Variants in DNAH14 observed in about 807,000 individuals in gnomAD.
DNAH14 encodes the protein axonemal beta dynein heavy chain 14.
Under a neutral mutation model 520.9 loss-of-function variants are expected in DNAH14, and 478 were observed. That is an observed-to-expected ratio of 0.92 (90% CI 0.85 to 0.99). The LOEUF (loss-of-function observed/expected upper bound fraction) is 0.99, where lower values mean the gene tolerates loss of function less well. DNAH14 is among the 50% of genes least tolerant of loss of function. The pLI, the probability that DNAH14 is intolerant of heterozygous loss-of-function variation, is 0.00. For missense variants in DNAH14, 4,831 were observed against 5,234.5 expected (o/e 0.92, Z 2.38); for synonymous variants, 1,581 against 1,757.2 (o/e 0.90, Z 2.51).
rs755828876 is a variant in DNAH14, at chr1:225,301,048, G to A, written c.8631+18G>A. ...TTCAAAAGGTACTTTTTTGTGACTT[G>A]GCTTTATCAAATTGTCATGTTAAAA... is the stretch of plus-strand genomic sequence containing the variant. On this transcript the variant is annotated intron_variant, in intron 56 of 85. Coordinates refer to ENST00000682510, the MANE Select transcript of DNAH14 (RefSeq NM_001367479.1). 2.0e-4 allele frequency: 309 copies of A among 1,540,304 alleles called. No homozygotes were observed. The highest frequency in any genetic ancestry group is 1.3e-3 in the Admixed American group (62 of 49,494).
At chr1:225,306,745 G>A (rs555656425) in intron 58 of DNAH14, among the ~76,000 whole-genome samples, 4 of 151,820 alleles carry the variant, frequency 2.6e-5, no homozygotes, top group South Asian at 4.2e-4. Flanking sequence ...CCCCTAATGC[G>A]TGGGCCATGC....
chr1:225,089,010 T>G (rs2148642521), intron 21 of DNAH14, among the ~76,000 whole-genome samples: 1 of 152,318 alleles, frequency 6.6e-6, no homozygotes, highest in African/African-American at 2.4e-5. Flanking sequence ...CTATTTCTTT[T>G]TAAGGAATTT....
intron 43 of DNAH14, among the ~76,000 whole-genome samples, chr1:225,249,362 A>G (rs192856877): frequency 3.5e-4 from 54 of 152,308 alleles, no homozygotes; most frequent in African/African-American, 1.3e-3. Context: ...AGCATTTGGT[A>G]TGTGTTCTTG....
chr1:225,018,902 G>A (rs1412129300), intron 10 of DNAH14, among the ~76,000 whole-genome samples: 1 of 152,182 alleles, frequency 6.6e-6, no homozygotes, highest in Non-Finnish European at 1.5e-5. Context: ...CCTAAAGGGA[G>A]TGCTAAACAT....
chr1:225,377,484 G>A (rs1260472260), intron 79 of DNAH14, 48 bp downstream of exon 79: 2 of 1,505,696 alleles, frequency 1.3e-6, no homozygotes, highest in East Asian at 5.0e-5. Context: ...ATCAGGCTGG[G>A]TCTGGCAGCT....
chr1:225,380,284 C>G lies in DNAH14; in HGVS notation c.12842C>G (p.Ser4281Ter), dbSNP rs1344962947. 1 of 1,551,522 alleles carries G rather than the reference C, an allele frequency of 6.4e-7. No individual in the cohort carries two copies. Among genetic ancestry groups the G allele is most frequent in the Non-Finnish European group, 8.7e-7 (1 of 1,146,980 alleles). The change falls in exon 80 of 86, where the codon TCA (serine) becomes TGA (stop). Residue 4281 changes from serine (S) to a stop codon, truncating the protein, a stop_gained. Transcript: ENST00000682510. LOFTEE classifies it high-confidence loss of function. ...GTPSTLKSMM[S>*]SSIWESLSKN... ...CCAAGCACATTGAAGAGCATGATGT[C>G]AAGCTCCATTTGGGAGTCTCTTTCT...
intron 42 of DNAH14, 144 bp from the exon 43 acceptor site, chr1:225,240,449 T>C: frequency 1.9e-6 from 1 of 513,340 alleles, no homozygotes; most frequent in Non-Finnish European, 3.4e-6. Context: ...AAAATTTACA[T>C]AAACTCTGAA....
At chr1:225,155,700 T>TA (rs2080960990) in intron 34 of DNAH14, among the ~76,000 whole-genome samples, 1 of 152,134 alleles carries the variant, frequency 6.6e-6, no homozygotes, top group Admixed American at 6.6e-5. Flanking sequence ...ACCCTTCAAT[T>TA]AGAGTTTCCA....
chr1:225,305,763 C>T (rs1294239049), intron 58 of DNAH14, among the ~76,000 whole-genome samples: 1 of 152,184 alleles, frequency 6.6e-6, no homozygotes, highest in Non-Finnish European at 1.5e-5. Flanking sequence ...CATGGTGGAA[C>T]TATTCTTCTC....
Position 225,118,015 on chromosome 1 carries a change from C to G in DNAH14, c.4091+16C>G. 6.7e-7 allele frequency: 1 copy of G among 1,492,052 alleles called. No individual in the cohort carries two copies. Among genetic ancestry groups the G allele is most frequent in the Non-Finnish European group, 9.2e-7 (1 of 1,092,828 alleles). The allele number at this position is 1,492,052 out of a possible 1,614,324, so 92.4% of individuals were successfully genotyped here. A position where few individuals can be genotyped will look rare whatever the true frequency, so the allele number is the denominator to read the frequency against. ...TGCTGCCAAAGTATGATAAATGTTACAAACTGTTTAGATTCTGTACAACGT... is the reference window on the plus strand; with the variant it reads ...TGCTGCCAAAGTATGATAAATGTTAGAAACTGTTTAGATTCTGTACAACGT... On this transcript the variant is annotated intron_variant, in intron 25 of 85. Coordinates refer to ENST00000682510, the MANE Select transcript of DNAH14 (RefSeq NM_001367479.1).
chr1:225,155,583 G>A (rs949642510), intron 34 of DNAH14, among the ~76,000 whole-genome samples: 4 of 152,134 alleles, frequency 2.6e-5, no homozygotes, highest in African/African-American at 9.7e-5. Context: ...TTATAGTCCT[G>A]TAGTCACCTA....
intron 21 of DNAH14, among the ~76,000 whole-genome samples, chr1:225,088,861 A>G (rs2074065679): frequency 6.6e-6 from 1 of 152,238 alleles, no homozygotes; most frequent in Admixed American, 6.5e-5. Context: ...ATTCCTTAAA[A>G]TACGCAAATT....
At chr1:225,229,935 A>G (rs1214320030) in intron 41 of DNAH14, among the ~76,000 whole-genome samples, 14 of 152,112 alleles carry the variant, frequency 9.2e-5, no homozygotes, top group African/African-American at 3.1e-4. Context: ...AAATGTATAT[A>G]TTTTTTCATC....
At chr1:225,102,351 A>G (rs2075570001) in intron 23 of DNAH14, among the ~76,000 whole-genome samples, 1 of 152,112 alleles carries the variant, frequency 6.6e-6, no homozygotes, top group Non-Finnish European at 1.5e-5. Context: ...CAATAAACAT[A>G]CGTGTGCATG....
At chr1:225,279,763 A>G (rs2093584305) in intron 54 of DNAH14, among the ~76,000 whole-genome samples, 2 of 152,066 alleles carry the variant, frequency 1.3e-5, no homozygotes, top group Admixed American at 1.3e-4. Context: ...ACAAGACATG[A>G]AAACAGATAG....
chr1:225,049,436 A>C (rs116302017), intron 15 of DNAH14, among the ~76,000 whole-genome samples: 1,886 of 152,124 alleles, frequency 0.012, 25 homozygotes, highest in Middle Eastern at 0.024. Context: ...CTCTGAATAC[A>C]ATTCTTTTAT....
chr1:225,341,250 G>A (rs1042062752), intron 69 of DNAH14, among the ~76,000 whole-genome samples: 3 of 151,920 alleles, frequency 2.0e-5, no homozygotes, highest in African/African-American at 4.8e-5. Context: ...GATTACCAGC[G>A]CATGCCACCA....
intron 55 of DNAH14, among the ~76,000 whole-genome samples, chr1:225,295,583 G>A (rs1038169558): frequency 6.6e-6 from 1 of 152,036 alleles, no homozygotes; most frequent in African/African-American, 2.4e-5. Flanking sequence ...TTGATTTCTA[G>A]TCATATTCCA....
chr1:225,136,201 T>G (rs1451324844), intron 27 of DNAH14, among the ~76,000 whole-genome samples: 2 of 152,222 alleles, frequency 1.3e-5, no homozygotes, highest in East Asian at 3.9e-4. Flanking sequence ...GACATCATGA[T>G]GCTAGCTAGT....
Sources: gnomAD v4.1 joint callset for allele counts (sites outside exome capture counted in the v4.1 genomes callset) on GRCh38, gnomAD v4.1.1 for gene constraint, MANE v1.5 for transcripts, NCBI Gene and HGNC (gene_info 2026-07-23, HGNC 2026-07-21) for gene names.